Variants in PAK6 observed in about 807,000 individuals in gnomAD.
PAK6 encodes serine/threonine-protein kinase PAK 6.
Under a neutral mutation model 60.8 loss-of-function variants are expected in PAK6, and 33 were observed. The ratio of observed to expected loss-of-function variants is 0.54; its 90% CI spans 0.41 to 0.73. The LOEUF is 0.73. Ranked by LOEUF, PAK6 falls within the 30% of genes least tolerant of loss-of-function variation. PAK6 has a pLI of 0.00. For synonymous variants in PAK6, 404 were observed against 378.5 expected, an observed-to-expected ratio of 1.07 and a Z score of -0.78; for missense variants, 845 against 904.1, an observed-to-expected ratio of 0.93 and a Z score of 0.84.
chr15:40,272,971 G>A (rs1436760929), exon 7 of PAK6: 5 of 1,613,934 alleles, frequency 3.1e-6, no homozygotes, highest in Admixed American at 1.7e-5. Flanking sequence ...GCAGGGAGGA[G>A]CCCTCACAGA....
intron 5 of PAK6, among the ~76,000 whole-genome samples, chr15:40,271,532 C>T (rs1277354120): frequency 2.0e-5 from 3 of 152,182 alleles, no homozygotes; most frequent in Non-Finnish European, 2.9e-5. Flanking sequence ...CTGGACCTAC[C>T]CTCCTAACTC....
At chr15:40,276,277 C>G in exon 11 of PAK6, 1 of 596,328 alleles carries the variant, frequency 1.7e-6, no homozygotes, top group South Asian at 2.1e-5. Context: ...CCCTCAGTGT[C>G]TCTCCCTCCC....
intron 5 of PAK6, 90 bp downstream of exon 5, chr15:40,266,585 A>G: frequency 1.5e-6 from 2 of 1,314,832 alleles, no homozygotes. Flanking sequence ...AGGACTGGCA[A>G]AGAGGCTCCC....
rs148168894 is a variant in PAK6 at position 40,250,047 on chromosome 15, C to T, written c.-117-3131C>T. On this transcript the variant is annotated intron_variant, in intron 2 of 10. Transcript: ENST00000560346. Reference sequence around the variant, plus strand: ...GGATGTGCCTGGAGCCCCCTGTGCTCAGCACGGCAACCTGGGAACAAGGCC... The same window carrying T: ...GGATGTGCCTGGAGCCCCCTGTGCTTAGCACGGCAACCTGGGAACAAGGCC... 7.6e-3 allele frequency among the ~76,000 whole-genome samples: 1,161 copies of T among 152,372 alleles called. 14 individuals are homozygous for T. Among genetic ancestry groups the T allele is most frequent in the African/African-American group, 0.027 (1,106 of 41,590 alleles).
intron 5 of PAK6, 162 bp downstream of exon 5, chr15:40,266,657 G>A: frequency 1.8e-6 from 1 of 565,552 alleles, no homozygotes; most frequent in Non-Finnish European, 2.9e-6. Context: ...AAGGAGGGTG[G>A]CTCGCCTCCT....
At chr15:40,263,396 T>C (rs2039034029) in intron 3 of PAK6, among the ~76,000 whole-genome samples, 1 of 152,164 alleles carries the variant, frequency 6.6e-6, no homozygotes, top group Admixed American at 6.5e-5. Flanking sequence ...CTGTCTGCCA[T>C]CAACATGTGA....
At chr15:40,273,308 C>T (rs765979577) in intron 7 of PAK6, 38 bp from the exon 8 acceptor site, 20 of 1,604,560 alleles carry the variant, frequency 1.2e-5, no homozygotes, top group African/African-American at 2.7e-5. Flanking sequence ...CCAGAGCTAA[C>T]GTTCTCTTTC....
chr15:40,240,953 C>T (rs1299944192), intron 2 of PAK6, among the ~76,000 whole-genome samples: 3 of 152,200 alleles, frequency 2.0e-5, no homozygotes, highest in East Asian at 1.9e-4. Context: ...CCAGTGCCAC[C>T]GGGACACCCC....
In PAK6 at chr15:40,266,231, C is replaced by T. The variant is rs535568286; in HGVS notation, c.594C>T (p.Cys198=). Residue 198 remains cysteine, a synonymous_variant, in exon 5 of 11, where the codon TGC becomes TGT. Transcript: ENST00000560346. ...AGCGCTGTCTGCAGCTGGGTGCCTGCCTGCAGAGCTCCCCACCAGGAGCCT... is the reference window on the plus strand; with the variant it reads ...AGCGCTGTCTGCAGCTGGGTGCCTGTCTGCAGAGCTCCCCACCAGGAGCCT... The T allele has an allele frequency of 1.9e-5, 30 of 1,610,234 alleles. No individual in the cohort carries two copies. In the East Asian group the frequency reaches 6.5e-4, roughly 35 times the overall value.
At chr15:40,270,125 G>A (rs2039261144) in intron 5 of PAK6, among the ~76,000 whole-genome samples, 1 of 152,088 alleles carries the variant, frequency 6.6e-6, no homozygotes, top group South Asian at 2.1e-4. Flanking sequence ...CTTCCTTAGA[G>A]CCCCGAGCCT....
rs1207300458 is a variant in PAK6, at chr15:40,254,970, GGT to G, written c.-6+1684_-6+1685del. On this transcript the variant is annotated intron_variant, in intron 3 of 10. Coordinates refer to ENST00000560346, the Ensembl canonical transcript of PAK6. Reference sequence around the variant, plus strand: ...AAGCAGGTTCAGCCCAACTCACAATGGTGTTGTGAGTGTAAAGTTGTGAGTGT... The same window carrying G: ...AAGCAGGTTCAGCCCAACTCACAATGGTTGTGAGTGTAAAGTTGTGAGTGT... Among the ~76,000 whole-genome samples the G allele has an allele frequency of 2.6e-5, 4 of 152,310 alleles. No individual in the cohort carries two copies. In the East Asian group the frequency reaches 5.8e-4, roughly 22 times the overall value.
intron 2 of PAK6, chr15:40,252,306 G>A: frequency 8.1e-7 from 1 of 1,235,510 alleles, no homozygotes; most frequent in Non-Finnish European, 1.0e-6. Context: ...TCCAGGTCGG[G>A]TCTCCGCGAG....
intron 2 of PAK6, 164 bp from the exon 3 acceptor site, chr15:40,253,014 C>G (rs1001237608): frequency 1.9e-5 from 8 of 424,576 alleles, no homozygotes; most frequent in African/African-American, 1.3e-4. Flanking sequence ...CCCTTCTCCC[C>G]GTAAGCCCCG....
Position 40,267,742 on chromosome 15 carries a change from G to C in PAK6, c.858+1247G>C, listed in dbSNP as rs186104063. Among the ~76,000 whole-genome samples, 131 of 152,318 alleles carry C rather than the reference G, an allele frequency of 8.6e-4. 2 individuals carry two copies. The South Asian group carries it at 0.014, about 17-fold the overall frequency. On this transcript the variant is annotated intron_variant, in intron 5 of 10. Transcript: ENST00000560346. The stretch of plus-strand genomic sequence containing the variant: ...AAGGACAGTGGGTTGGGATCCCCAT[G>C]GGTTGTGGCTTGATGTATCTGTGAG...
exon 2 of PAK6, chr15:40,240,673 G>A: frequency 2.2e-6 from 1 of 450,860 alleles, no homozygotes; most frequent in South Asian, 1.6e-5. Flanking sequence ...CCCAGAAGGA[G>A]CAGCCACGGT....
chr15:40,273,063 A>ATGTGGTC, intron 7 of PAK6, 64 bp downstream of exon 7: 2 of 1,582,882 alleles, frequency 1.3e-6, no homozygotes. Flanking sequence ...TGCCAGGGCA[A>ATGTGGTC]TGTGGTCTTC....
chr15:40,254,008 G>A (rs1327424809), intron 3 of PAK6, among the ~76,000 whole-genome samples: 1 of 152,118 alleles, frequency 6.6e-6, no homozygotes, highest in Non-Finnish European at 1.5e-5. Context: ...ATAAGAAAAC[G>A]CCTGGTTCCA....
chr15:40,272,147 G>C (rs1011476908), intron 5 of PAK6, 77 bp from the exon 6 acceptor site: 2 of 1,506,018 alleles, frequency 1.3e-6, no homozygotes, highest in Non-Finnish European at 1.8e-6. Flanking sequence ...AGGTCACGGC[G>C]GCCAGCCCCT....
chr15:40,258,988 C>T (rs117462632), intron 3 of PAK6: 2,166 of 152,452 alleles, frequency 0.014, 31 homozygotes, highest in Middle Eastern at 0.041. Flanking sequence ...GGGCTGTGCC[C>T]GAGCTGGCCA....
Sources: allele counts gnomAD v4.1 joint callset (sites outside exome capture counted in the v4.1 genomes callset), GRCh38; gene constraint gnomAD v4.1.1; transcripts MANE v1.5; gene names NCBI Gene and HGNC (gene_info 2026-07-23, HGNC 2026-07-21).